Variants in STK10 observed in about 807,000 individuals in gnomAD.
The protein encoded by STK10 is serine/threonine kinase 10.
Under a neutral mutation model 113.8 loss-of-function variants are expected in STK10, and 78 were observed. The observed-to-expected ratio is 0.69, with a 90% confidence interval of 0.57 to 0.83. STK10 has a LOEUF of 0.83. Among genes scored for constraint, STK10 ranks in the 40% least tolerant of loss-of-function variants. The probability of loss-of-function intolerance (pLI) is 0.00; values close to 1 mark genes in which losing one functional copy is unlikely to be tolerated. For synonymous variants in STK10, 465 were observed against 494.7 expected, an observed-to-expected ratio of 0.94 and a Z score of 0.80; for missense variants, 1,109 against 1,280.1, an observed-to-expected ratio of 0.87 and a Z score of 2.04.
Position 172,082,449 on chromosome 5 carries a change from C to T in STK10, c.1866G>A (p.Gln622=), listed in dbSNP as rs760504699. 21 of 1,610,792 alleles carry T rather than the reference C, an allele frequency of 1.3e-5. No homozygotes were observed. Among genetic ancestry groups the T allele is most frequent in the African/African-American group, 2.7e-5 (2 of 74,720 alleles). The part of the protein sequence containing the change: ...ELENLERQQK[Q]QVEKMEQDHA... ...GGTCTTGCTCCATCTTCTCCACTTGCTGCTTTTGCTGACGCTCCAGGTTCT... is the reference window on the plus strand; with the variant it reads ...GGTCTTGCTCCATCTTCTCCACTTGTTGCTTTTGCTGACGCTCCAGGTTCT... Residue 622 remains glutamine (Q), a synonymous_variant, in exon 12 of 19, where the codon CAG becomes CAA. Coordinates refer to ENST00000176763, the MANE Select transcript of STK10 (RefSeq NM_005990.4). The surrounding 1 kb of genome is among the most constrained non-coding windows in gnomAD (Gnocchi z 4.3).
intron 10 of STK10, among the ~76,000 whole-genome samples, chr5:172,084,228 C>T (rs2113733364): frequency 6.6e-6 from 1 of 151,930 alleles, no homozygotes; most frequent in South Asian, 2.1e-4. Flanking sequence ...ATGGAGAACC[C>T]CATCTCTACT....
At chr5:172,174,109 C>T (rs1388330269) in intron 1 of STK10, among the ~76,000 whole-genome samples, 1 of 129,440 alleles carries the variant, frequency 7.7e-6, no homozygotes, top group African/African-American at 2.9e-5. Context: ...AGGCAACAAG[C>T]GAGGCCCGGC....
chr5:172,156,269 A>G (rs1476961486), intron 2 of STK10, among the ~76,000 whole-genome samples: 1 of 152,236 alleles, frequency 6.6e-6, no homozygotes, highest in African/African-American at 2.4e-5. Context: ...ACTTAATCGC[A>G]GTAATCACTC....
chr5:172,136,065 A>G (rs1424993616), intron 2 of STK10, among the ~76,000 whole-genome samples: 1 of 151,696 alleles, frequency 6.6e-6, no homozygotes. Flanking sequence ...AGAAAGAAAA[A>G]GAAAAAAAGA....
At chr5:172,181,704 G>A (rs1372017759) in intron 1 of STK10, among the ~76,000 whole-genome samples, 1 of 146,058 alleles carries the variant, frequency 6.8e-6, no homozygotes, top group Non-Finnish European at 1.5e-5. Context: ...GGCTGGTCTC[G>A]AACTCCTGAC....
chr5:172,089,442 ATGGATGGT>A lies in STK10; in HGVS notation c.1685+782_1685+789del, dbSNP rs1485478488. On this transcript the variant is annotated intron_variant, in intron 10 of 18. Coordinates refer to ENST00000176763, the MANE Select transcript of STK10 (RefSeq NM_005990.4). The stretch of plus-strand genomic sequence containing the variant: ...GATGGATGGATGGATGGATGGATGG[ATGGATGGT>A]TAGGTAGATAGGTGGAAGGCTGAAT... 8.8e-5 allele frequency among the ~76,000 whole-genome samples: 13 copies of A among 147,580 alleles called. No individual in the cohort carries two copies. The East Asian group carries it at 2.4e-3, about 27-fold the overall frequency.
chr5:172,064,370 T>C, intron 13 of STK10: 1 of 283,594 alleles, frequency 3.5e-6, no homozygotes, highest in South Asian at 5.5e-5. Flanking sequence ...TCCTTCAGAC[T>C]TAAAAGATGC....
rs73327436 is a variant in STK10, at chr5:172,120,092, T to C, written c.371-2462A>G. ...TGAGAAGATTCCAAGGTGACAGCCT[T>C]GTGCTCTGCGTCCCACAGGACTGTC... On this transcript the variant is annotated intron_variant, in intron 3 of 18. Transcript: ENST00000176763. The surrounding 1 kb of genome is among the most constrained non-coding windows in gnomAD (Gnocchi z 4.0). Among the ~76,000 whole-genome samples, 1,815 of 152,022 alleles carry C rather than the reference T, an allele frequency of 0.012. 38 individuals are homozygous for C. Among genetic ancestry groups the C allele is most frequent in the African/African-American group, 0.041 (1,688 of 41,470 alleles).
chr5:172,047,775 C>T (rs1395702629), intron 18 of STK10, among the ~76,000 whole-genome samples: 2 of 152,194 alleles, frequency 1.3e-5, no homozygotes, highest in Non-Finnish European at 2.9e-5. Context: ...GTTCTCTCCT[C>T]AGAGAGTTTA....
Position 172,055,638 on chromosome 5 carries a change from G to A in STK10, c.2476C>T (p.His826Tyr), listed in dbSNP as rs1037122204. 9 of 1,566,752 alleles carry A rather than the reference G, an allele frequency of 5.7e-6. No homozygotes were observed. The highest frequency in any genetic ancestry group is 7.8e-6 in the Non-Finnish European group (9 of 1,152,714). Residue 826 changes from histidine (H) to tyrosine (Y), a missense_variant, in exon 16 of 19, where the codon CAC (histidine) becomes TAC (tyrosine). Transcript: ENST00000176763. Reference sequence around the variant, plus strand: ...GCTGCGCTGCCCCCGCCGTTGATGTGGAGGCTCTTCTTGTACATGGCCATG... The same window carrying A: ...GCTGCGCTGCCCCCGCCGTTGATGTAGAGGCTCTTCTTGTACATGGCCATG... ...TRMAMYKKSLHINGGGSAAEQ... is the reference protein window; with the variant it reads ...TRMAMYKKSLYINGGGSAAEQ...
At chr5:172,123,821 A>T (rs1157114995) in intron 3 of STK10, among the ~76,000 whole-genome samples, 2 of 152,158 alleles carry the variant, frequency 1.3e-5, no homozygotes, top group Non-Finnish European at 2.9e-5. Flanking sequence ...CTCCCACACC[A>T]TCTTGTTGTC....
chr5:172,121,906 C>T (rs914046613), intron 3 of STK10, among the ~76,000 whole-genome samples: 1 of 151,632 alleles, frequency 6.6e-6, no homozygotes, highest in Non-Finnish European at 1.5e-5. Flanking sequence ...GTCTCTGTCA[C>T]CCAGGCTGGA....
Position 172,153,407 on chromosome 5 carries a change from T to C in STK10, c.321+3217A>G, listed in dbSNP as rs1413975802. On this transcript the variant is annotated intron_variant, in intron 2 of 18. Transcript: ENST00000176763. ...GCTTGTTTTTCTCCAACTTGCACCA[T>C]TTGATATTCAAAAGCAGAAGTAGTG... Among the ~76,000 whole-genome samples, 5 of 152,358 alleles carry C rather than the reference T, an allele frequency of 3.3e-5. No homozygotes were observed. The East Asian group carries it at 9.6e-4, about 29-fold the overall frequency.
At chr5:172,170,138 T>TTC (rs1554124095) in intron 1 of STK10, among the ~76,000 whole-genome samples, 1 of 148,316 alleles carries the variant, frequency 6.7e-6, no homozygotes, top group Non-Finnish European at 1.5e-5. Flanking sequence ...TTTTTTTTTT[T>TTC]CAGTATGTAT....
At chr5:172,062,811 T>TA (rs1561792236) in intron 13 of STK10, among the ~76,000 whole-genome samples, 1 of 152,222 alleles carries the variant, frequency 6.6e-6, no homozygotes, top group East Asian at 1.9e-4. Flanking sequence ...GTTCTGGAGA[T>TA]AGATGGCGGA....
rs1319401082 is a variant in STK10, at chr5:172,187,744, T to C, written c.156+143A>G. 6.4e-6 allele frequency: 8 copies of C among 1,256,058 alleles called. No individual in the cohort carries two copies. The highest frequency in any genetic ancestry group is 8.6e-6 in the Non-Finnish European group (8 of 929,102). The allele number at this position is 1,256,058 out of a possible 1,614,324, so 77.8% of individuals were successfully genotyped here. A position where few individuals can be genotyped will look rare whatever the true frequency, so the allele number is the denominator to read the frequency against. On this transcript the variant is annotated intron_variant, in intron 1 of 18. Coordinates refer to ENST00000176763, the MANE Select transcript of STK10 (RefSeq NM_005990.4). The surrounding 1 kb of genome is among the most constrained non-coding windows in gnomAD (Gnocchi z 4.6). ...TGATGTTCCCCCCAAAAAACAAGAG[T>C]CATCGGGATGAGGGCCAGGGACCCC... is the stretch of plus-strand genomic sequence containing the variant.
At chr5:172,181,270 T>C (rs1316680177) in intron 1 of STK10, among the ~76,000 whole-genome samples, 1 of 152,208 alleles carries the variant, frequency 6.6e-6, no homozygotes, top group African/African-American at 2.4e-5. Context: ...AAAACTGTAC[T>C]ACTGGATTTT....
At position 172,187,781 on chromosome 5, in the gene STK10, C is replaced by T; in HGVS notation, c.156+106G>A. On this transcript the variant is annotated intron_variant, in intron 1 of 18. Coordinates refer to ENST00000176763, the MANE Select transcript of STK10 (RefSeq NM_005990.4). The surrounding 1 kb of genome is among the most constrained non-coding windows in gnomAD (Gnocchi z 4.6). ...GGGCCAGGGACCCCGAATTCAGCGC[C>T]GGGCAGCCCTCGGAGCCGGAGCCAG... 1 of 1,486,662 alleles carries T rather than the reference C, an allele frequency of 6.7e-7. No homozygotes were observed. Among genetic ancestry groups the T allele is most frequent in the South Asian group, 1.2e-5 (1 of 80,372 alleles). The allele number at this position is 1,486,662 out of a possible 1,614,324, so 92.1% of individuals were successfully genotyped here.
At chr5:172,169,899 C>T (rs552938204) in intron 1 of STK10, among the ~76,000 whole-genome samples, 1 of 152,242 alleles carries the variant, frequency 6.6e-6, no homozygotes, top group East Asian at 1.9e-4. Flanking sequence ...AGTGTGCTTG[C>T]GGAAGCCAGG....
Sources: allele counts gnomAD v4.1 joint callset (sites outside exome capture counted in the v4.1 genomes callset), GRCh38; gene constraint gnomAD v4.1.1; non-coding constraint Gnocchi (gnomAD v3.1); transcripts MANE v1.5; gene names NCBI Gene and HGNC (gene_info 2026-07-23, HGNC 2026-07-21).